Variants in SUSD6 observed in about 807,000 individuals in gnomAD.
SUSD6 encodes the protein sushi domain containing 6, also known as sushi domain-containing protein 6.
In SUSD6, 16 loss-of-function variants were observed where a neutral mutation model predicts 28.4. That is an observed-to-expected ratio of 0.56 (90% CI 0.38 to 0.86). SUSD6 has a LOEUF of 0.86. Ranked by LOEUF, SUSD6 falls within the 40% of genes least tolerant of loss-of-function variation. The probability of loss-of-function intolerance (pLI) is 0.00; values close to 1 mark genes in which losing one functional copy is unlikely to be tolerated. For missense variants in SUSD6, 341 were observed against 384.2 expected (o/e 0.89, Z 0.94); for synonymous variants, 147 against 159.6 (o/e 0.92, Z 0.59).
intron 1 of SUSD6, among the ~76,000 whole-genome samples, chr14:69,644,180 A>G (rs1885393298): frequency 6.6e-6 from 1 of 152,128 alleles, no homozygotes; most frequent in African/African-American, 2.4e-5. Flanking sequence ...TAGGTGCCCA[A>G]TGTATGTGTT....
chr14:69,641,395 CT>C (rs1885350906), intron 1 of SUSD6, among the ~76,000 whole-genome samples: 1 of 152,060 alleles, frequency 6.6e-6, no homozygotes, highest in African/African-American at 2.4e-5. Flanking sequence ...TATTAGGCTG[CT>C]TGATATATCC....
At chr14:69,698,782 C>T (rs1279000073) in intron 2 of SUSD6, among the ~76,000 whole-genome samples, 1 of 152,212 alleles carries the variant, frequency 6.6e-6, no homozygotes, top group African/African-American at 2.4e-5. Flanking sequence ...ACTGTGTGCA[C>T]TCCCTGTGCT....
rs11463756 is a variant in SUSD6, at chr14:69,639,956, GTTTTT to G, written c.-80-18538_-80-18534del. Among the ~76,000 whole-genome samples, 94 of 81,646 alleles carry G rather than the reference GTTTTT, an allele frequency of 1.2e-3. No homozygotes were observed. The South Asian group carries it at 0.033, about 29-fold the overall frequency. The allele number at this position is 81,646 out of a possible 152,430, so 53.6% of individuals were successfully genotyped here. On this transcript the variant is annotated intron_variant, in intron 1 of 5. Transcript: ENST00000342745. ...AGAGTCCCTCTGGGGCACCTACACT[GTTTTT>G]TTTTTTTTTTTTTTTTTTGCGGGGG...
intron 1 of SUSD6, among the ~76,000 whole-genome samples, chr14:69,620,290 C>T (rs913359784): frequency 6.6e-6 from 1 of 152,168 alleles, no homozygotes; most frequent in African/African-American, 2.4e-5. Flanking sequence ...CTTTCCTTTA[C>T]ATGTACCCTC....
intron 1 of SUSD6, among the ~76,000 whole-genome samples, chr14:69,632,666 A>G (rs1885212600): frequency 6.7e-6 from 1 of 149,548 alleles, no homozygotes. Context: ...AAAAAAAAAC[A>G]AAACACTGGG....
At chr14:69,667,526 G>A (rs1223135940) in intron 2 of SUSD6, among the ~76,000 whole-genome samples, 2 of 151,526 alleles carry the variant, frequency 1.3e-5, no homozygotes, top group South Asian at 2.1e-4. Context: ...ACAGACACCC[G>A]CCGCCACACC....
At chr14:69,697,358 T>G (rs1886241220) in intron 2 of SUSD6, among the ~76,000 whole-genome samples, 1 of 152,182 alleles carries the variant, frequency 6.6e-6, no homozygotes, top group South Asian at 2.1e-4. Flanking sequence ...ATGCCTAACC[T>G]CCTGGGAATG....
intron 2 of SUSD6, among the ~76,000 whole-genome samples, chr14:69,660,966 A>G (rs1011499709): frequency 6.6e-6 from 1 of 152,218 alleles, no homozygotes; most frequent in Non-Finnish European, 1.5e-5. Flanking sequence ...CCCAGCCCAG[A>G]ACAAATGGTG....
chr14:69,642,422 A>G (rs893138389), intron 1 of SUSD6, among the ~76,000 whole-genome samples: 6 of 152,184 alleles, frequency 3.9e-5, no homozygotes, highest in African/African-American at 1.2e-4. Context: ...CATACTCAAG[A>G]CTGGGAAGAA....
intron 2 of SUSD6, among the ~76,000 whole-genome samples, chr14:69,660,178 C>A (rs1885641828): frequency 6.6e-6 from 1 of 152,204 alleles, no homozygotes; most frequent in Admixed American, 6.5e-5. Context: ...TTTAGTGCTA[C>A]TTCTTTCATT....
chr14:69,650,518 C>T lies in SUSD6; in HGVS notation c.-80-7995C>T, dbSNP rs574696664. On this transcript the variant is annotated intron_variant, in intron 1 of 5. Coordinates refer to ENST00000342745, the MANE Select transcript of SUSD6 (RefSeq NM_014734.4). Reference sequence around the variant, plus strand: ...ACTGATGAGAAAACAGGCATGGAAGCAAAGTGCTTGTCCAAGGTTGGCCCC... The same window carrying T: ...ACTGATGAGAAAACAGGCATGGAAGTAAAGTGCTTGTCCAAGGTTGGCCCC... Among the ~76,000 whole-genome samples the T allele has an allele frequency of 2.0e-5, 3 of 152,320 alleles. No homozygotes were observed. The South Asian group carries it at 6.2e-4, about 32-fold the overall frequency.
chr14:69,683,319 T>C (rs1886025808), intron 2 of SUSD6, among the ~76,000 whole-genome samples: 2 of 152,174 alleles, frequency 1.3e-5, no homozygotes, highest in East Asian at 1.9e-4. Context: ...TCTAGTGCCT[T>C]AAATATGTCC....
chr14:69,688,539 G>A (rs763857273), intron 2 of SUSD6, among the ~76,000 whole-genome samples: 2 of 152,224 alleles, frequency 1.3e-5, no homozygotes, highest in Non-Finnish European at 2.9e-5. Flanking sequence ...CCATGTGAGA[G>A]AACCCTGGAA....
chr14:69,613,607 C>T (rs1566586521), intron 1 of SUSD6, among the ~76,000 whole-genome samples: 1 of 152,210 alleles, frequency 6.6e-6, no homozygotes, highest in Non-Finnish European at 1.5e-5. Context: ...AGTCAGAATC[C>T]AGCTCTCATG....
chr14:69,703,865 G>T, intron 3 of SUSD6: 1 of 521,566 alleles, frequency 1.9e-6, no homozygotes. Flanking sequence ...GCCAAGTGTT[G>T]GTGACCCTTG....
At chr14:69,620,511 C>A (rs114552580) in intron 1 of SUSD6, among the ~76,000 whole-genome samples, 19 of 152,156 alleles carry the variant, frequency 1.2e-4, no homozygotes, top group Non-Finnish European at 2.9e-5. Flanking sequence ...TAGCATACTG[C>A]GGGAATACTC....
At chr14:69,664,798 A>G (rs1443561842) in intron 2 of SUSD6, among the ~76,000 whole-genome samples, 1 of 152,210 alleles carries the variant, frequency 6.6e-6, no homozygotes, top group Non-Finnish European at 1.5e-5. Flanking sequence ...GCCAGCTTAG[A>G]GGTTATTCTT....
intron 1 of SUSD6, among the ~76,000 whole-genome samples, chr14:69,653,423 T>TAG (rs1885532115): frequency 6.6e-6 from 1 of 152,208 alleles, no homozygotes; most frequent in South Asian, 2.1e-4. Flanking sequence ...TCTGTGGCCT[T>TAG]AGAGCCTTTT....
intron 1 of SUSD6, among the ~76,000 whole-genome samples, chr14:69,614,795 A>C (rs1490390318): frequency 6.6e-6 from 1 of 152,222 alleles, no homozygotes; most frequent in Non-Finnish European, 1.5e-5. Context: ...TTGCCAGCAG[A>C]GAGGGAAGGC....
Sources: gnomAD v4.1 joint callset for allele counts (sites outside exome capture counted in the v4.1 genomes callset) on GRCh38, gnomAD v4.1.1 for gene constraint, MANE v1.5 for transcripts, NCBI Gene and HGNC (gene_info 2026-07-23, HGNC 2026-07-21) for gene names.